The following COP1 variants were observed in gnomAD, a reference collection of about 807,000 sequenced individuals.
COP1 encodes the protein COP1 E3 ubiquitin ligase.
Under a neutral mutation model 101.3 loss-of-function variants are expected in COP1, and 24 were observed. That is an observed-to-expected ratio of 0.24 (90% CI 0.17 to 0.33). COP1 has a LOEUF of 0.33. Ranked by LOEUF, COP1 falls within the 10% of genes least tolerant of loss-of-function variation. The pLI, the probability that COP1 is intolerant of heterozygous loss-of-function variation, is 1.00. For synonymous variants in COP1, 347 were observed against 341.9 expected (o/e 1.01, Z -0.17); for missense variants, 663 against 906.2 (o/e 0.73, Z 3.45).
At chr1:176,186,120 C>A (rs944929179) in intron 1 of COP1, among the ~76,000 whole-genome samples, 2 of 152,130 alleles carry the variant, frequency 1.3e-5, no homozygotes, top group East Asian at 3.9e-4. Flanking sequence ...GGGGTCAGAG[C>A]AGGAGGAACG....
intron 18 of COP1, among the ~76,000 whole-genome samples, chr1:175,986,495 T>C (rs1324460527): frequency 6.6e-6 from 1 of 152,164 alleles, no homozygotes; most frequent in African/African-American, 2.4e-5. Flanking sequence ...TACTTTGAAA[T>C]AGTACTTAAT....
chr1:176,168,730 A>G, intron 3 of COP1: 3 of 354,584 alleles, frequency 8.5e-6, no homozygotes, highest in East Asian at 1.1e-4. Flanking sequence ...GGCAGAGAGG[A>G]GCAGACAGAG....
At chr1:175,997,629 C>T (rs1345978417) in intron 15 of COP1, among the ~76,000 whole-genome samples, 4 of 152,046 alleles carry the variant, frequency 2.6e-5, no homozygotes, top group Non-Finnish European at 1.5e-5. Flanking sequence ...ATTTATGCAG[C>T]CAAAAAACAC....
intron 15 of COP1, among the ~76,000 whole-genome samples, chr1:176,007,007 T>C (rs1432610599): frequency 2.0e-5 from 3 of 152,154 alleles, no homozygotes; most frequent in Non-Finnish European, 4.4e-5. Flanking sequence ...AGATTTGGTC[T>C]TTTCACATAG....
intron 1 of COP1, chr1:176,206,297 C>T (rs952888406): frequency 1.7e-5 from 8 of 466,654 alleles, no homozygotes; most frequent in Non-Finnish European, 3.0e-5. Flanking sequence ...CCACCTCTTC[C>T]CTCGTCATTC....
chr1:176,111,434 C>T (rs1685271292), intron 9 of COP1, among the ~76,000 whole-genome samples: 2 of 151,944 alleles, frequency 1.3e-5, no homozygotes, highest in Admixed American at 1.3e-4. Context: ...GCTGGGACTA[C>T]AGGTGCGCAC....
At chr1:176,160,662 G>A (rs1299573583) in intron 5 of COP1, among the ~76,000 whole-genome samples, 5 of 151,826 alleles carry the variant, frequency 3.3e-5, no homozygotes, top group African/African-American at 4.8e-5. Flanking sequence ...GCCAAAAAAC[G>A]TATGAAAAAA....
chr1:176,043,814 T>C lies in COP1; in HGVS notation c.1426A>G (p.Ile476Val). The C allele has an allele frequency of 6.4e-7, 1 of 1,559,750 alleles. No homozygotes were observed. Among genetic ancestry groups the C allele is most frequent in the Non-Finnish European group, 8.8e-7 (1 of 1,132,684 alleles). ...EMTCNSKISC[I>V]SWSSYHKNLL... ...TTCTTATGGTAACTACTCCAACTGA[T>C]ACAGCTGAAAGAAATACAGTTAAAA... is the stretch of plus-strand genomic sequence containing the variant. Residue 476 changes from isoleucine to valine, a missense_variant, in exon 13 of 20, where the codon ATC becomes GTC. By Grantham distance (29) the Ile-to-Val change is conservative. Coordinates refer to ENST00000367669, the MANE Select transcript of COP1 (RefSeq NM_022457.7).
chr1:175,984,485 C>T (rs1468950457), intron 18 of COP1, among the ~76,000 whole-genome samples: 1 of 152,214 alleles, frequency 6.6e-6, no homozygotes, highest in African/African-American at 2.4e-5. Flanking sequence ...GGGTGGGCCC[C>T]TCATGGAGAA....
At chr1:176,149,283 A>C (rs1164327670) in intron 5 of COP1, among the ~76,000 whole-genome samples, 2 of 152,130 alleles carry the variant, frequency 1.3e-5, no homozygotes, top group Non-Finnish European at 2.9e-5. Flanking sequence ...ACTAAGAAAC[A>C]GGTGTTCTAA....
At chr1:176,105,389 T>C in intron 9 of COP1, among the ~76,000 whole-genome samples, 1 of 152,180 alleles carries the variant, frequency 6.6e-6, no homozygotes, top group East Asian at 1.9e-4. Flanking sequence ...CAAATAACCT[T>C]TGAATATACT....
intron 1 of COP1, among the ~76,000 whole-genome samples, chr1:176,191,853 T>G (rs1011271471): frequency 6.6e-6 from 1 of 152,148 alleles, no homozygotes; most frequent in African/African-American, 2.4e-5. Context: ...AACATTGCCT[T>G]AAGTCACAGG....
intron 3 of COP1, among the ~76,000 whole-genome samples, chr1:176,167,121 T>G (rs1213748102): frequency 2.6e-5 from 4 of 152,200 alleles, no homozygotes; most frequent in African/African-American, 9.6e-5. Context: ...GTATATACAC[T>G]GGACTCAACA....
chr1:176,002,934 T>C (rs1452966421), intron 15 of COP1, among the ~76,000 whole-genome samples: 7 of 150,424 alleles, frequency 4.7e-5, no homozygotes, highest in Admixed American at 1.3e-4. Flanking sequence ...ATCGCCACAC[T>C]GACTTCCACA....
intron 18 of COP1, among the ~76,000 whole-genome samples, chr1:175,957,124 AATTT>A (rs1650755711): frequency 6.6e-6 from 1 of 151,980 alleles, no homozygotes; most frequent in African/African-American, 2.4e-5. Flanking sequence ...AACTATAGTT[AATTT>A]ATTATTGAAG....
chr1:175,974,739 AAAG>A (rs1230996087), intron 18 of COP1, among the ~76,000 whole-genome samples: 1 of 151,966 alleles, frequency 6.6e-6, no homozygotes, highest in Non-Finnish European at 1.5e-5. Flanking sequence ...ACAGTTAAGG[AAAG>A]AATACGTGGG....
intron 11 of COP1, among the ~76,000 whole-genome samples, chr1:176,047,799 G>T (rs555055254): frequency 6.6e-6 from 1 of 152,306 alleles, no homozygotes; most frequent in Admixed American, 6.5e-5. Flanking sequence ...TTCAGGCTGG[G>T]TTCGGTGGCT....
chr1:175,995,337 T>C (rs980919475), intron 15 of COP1, among the ~76,000 whole-genome samples: 57 of 152,002 alleles, frequency 3.7e-4, no homozygotes, highest in Middle Eastern at 6.8e-3. Flanking sequence ...TTAAAAGAAC[T>C]AGAAAAGCAA....
At chr1:175,993,301 A>G (rs1256541331) in intron 15 of COP1, among the ~76,000 whole-genome samples, 6 of 152,156 alleles carry the variant, frequency 3.9e-5, no homozygotes, top group Admixed American at 6.5e-5. Flanking sequence ...GGAAAAAACA[A>G]AGCAGAAAAA....
Sources: gnomAD v4.1 joint callset for allele counts (sites outside exome capture counted in the v4.1 genomes callset) on GRCh38, gnomAD v4.1.1 for gene constraint, MANE v1.5 for transcripts, NCBI Gene and HGNC (gene_info 2026-07-23, HGNC 2026-07-21) for gene names.